The following RAB11A variants were observed in gnomAD, a reference collection of about 807,000 sequenced individuals.
RAB11A encodes ras-related protein Rab-11A.
In RAB11A, 9 loss-of-function variants were observed where a neutral mutation model predicts 28.0. That is an observed-to-expected ratio of 0.32 (90% CI 0.19 to 0.56). The LOEUF (loss-of-function observed/expected upper bound fraction) is 0.56. Among genes scored for constraint, RAB11A ranks in the 20% least tolerant of loss-of-function variants. The pLI, the probability that RAB11A is intolerant of heterozygous loss-of-function variation, is 0.91. For missense variants in RAB11A, 108 were observed against 269.6 expected (o/e 0.40, Z 4.20); for synonymous variants, 85 against 88.2 (o/e 0.96, Z 0.20).
At chr15:65,882,379 C>T (rs1412955708) in intron 4 of RAB11A, among the ~76,000 whole-genome samples, 2 of 152,208 alleles carry the variant, frequency 1.3e-5, no homozygotes, top group East Asian at 1.9e-4. Context: ...CTTTATTGCA[C>T]TTGATTCTAC....
In RAB11A at chr15:65,883,421, T is replaced by G. The variant is rs531722044; in HGVS notation, c.511+3670T>G. Among the ~76,000 whole-genome samples the G allele has an allele frequency of 5.3e-5, 8 of 152,216 alleles. No homozygotes were observed. In the East Asian group the frequency reaches 1.5e-3, roughly 29 times the overall value. ...ATGATTAAACTCAAGTTATACACTT[T>G]TGGCAGGAACACCACAGAAGTGTTC... On this transcript the variant is annotated intron_variant, in intron 4 of 4. Transcript: ENST00000261890.
chr15:65,881,678 C>T (rs775298720), intron 4 of RAB11A, among the ~76,000 whole-genome samples: 24 of 151,970 alleles, frequency 1.6e-4, no homozygotes, highest in Non-Finnish European at 2.9e-4. Flanking sequence ...ATGAACTAGT[C>T]GGTACTTAAA....
chr15:65,884,246 C>T (rs955133942), intron 4 of RAB11A, among the ~76,000 whole-genome samples: 15 of 151,884 alleles, frequency 9.9e-5, no homozygotes, highest in African/African-American at 3.6e-4. Context: ...AAGGATTTAC[C>T]TTTCAGTCAT....
Position 65,887,780 on chromosome 15 carries a change from T to G in RAB11A, c.591T>G (p.Pro197=), listed in dbSNP as rs200883500. 526 of 1,613,850 alleles carry G rather than the reference T, an allele frequency of 3.3e-4. 1 individual carries two copies. In the Middle Eastern group the frequency reaches 3.8e-3, roughly 12 times the overall value. Residue 197 remains proline (P), a synonymous_variant, in exon 5 of 5, where the codon CCT becomes CCG. Transcript: ENST00000261890. The stretch of plus-strand genomic sequence containing the variant: ...TGTCTCCAAGCAACAATGTGGTTCC[T>G]ATTCATGTTCCACCAACCACTGAAA... ...NDMSPSNNVV[P]IHVPPTTENK... is the part of the protein sequence containing the mutation.
At chr15:65,882,052 A>ATGAG (rs2078226456) in intron 4 of RAB11A, among the ~76,000 whole-genome samples, 1 of 152,142 alleles carries the variant, frequency 6.6e-6, no homozygotes. Flanking sequence ...TCCTGTCTCA[A>ATGAG]AAAGAAAAAA....
intron 1 of RAB11A, among the ~76,000 whole-genome samples, chr15:65,874,243 TG>T (rs1298621549): frequency 2.0e-5 from 3 of 151,864 alleles, no homozygotes; most frequent in Non-Finnish European, 2.9e-5. Flanking sequence ...TTTTTTTTTT[TG>T]AGATGGAGTT....
At position 65,891,063 on chromosome 15, in the gene RAB11A, C is replaced by A. The variant is rs142636094; in HGVS notation, c.*3223C>A. 20 of 152,338 alleles carry A rather than the reference C, an allele frequency of 1.3e-4. No individual in the cohort carries two copies. The highest frequency in any genetic ancestry group is 4.8e-4 in the African/African-American group (20 of 41,572). The allele number at this position is 152,338 out of a possible 1,614,324, so 9.4% of individuals were successfully genotyped here. A position where few individuals can be genotyped will look rare whatever the true frequency, so the allele number is the denominator to read the frequency against. Reference sequence around the variant, plus strand: ...TAGCGGAACAGATAGGGAGCTATGACACTAGCACCAAAGAGAGATTTTTCT... The same window carrying A: ...TAGCGGAACAGATAGGGAGCTATGAAACTAGCACCAAAGAGAGATTTTTCT... On this transcript the variant is annotated 3_prime_UTR_variant, in exon 5 of 5. Coordinates refer to ENST00000261890, the MANE Select transcript of RAB11A (RefSeq NM_004663.5).
chr15:65,869,786 C>A (rs947012847), intron 1 of RAB11A, among the ~76,000 whole-genome samples, 161 bp downstream of exon 1: 1 of 152,180 alleles, frequency 6.6e-6, no homozygotes, highest in Non-Finnish European at 1.5e-5. Context: ...TCTTCTCCCC[C>A]GCTCAGACAG....
chr15:65,878,338 C>T (rs376012910), intron 3 of RAB11A, among the ~76,000 whole-genome samples: 3 of 152,208 alleles, frequency 2.0e-5, no homozygotes, highest in African/African-American at 7.2e-5. Context: ...TCTCTTGCCC[C>T]TGTTCTGGTA....
At chr15:65,876,965 AGTT>A (rs964099132) in intron 1 of RAB11A, among the ~76,000 whole-genome samples, 1 of 152,096 alleles carries the variant, frequency 6.6e-6, no homozygotes, top group Admixed American at 6.6e-5. Flanking sequence ...TTATCTTTGA[AGTT>A]GTTATCTTCT....
At chr15:65,873,320 T>A (rs1350224711) in intron 1 of RAB11A, among the ~76,000 whole-genome samples, 1 of 152,200 alleles carries the variant, frequency 6.6e-6, no homozygotes, top group Non-Finnish European at 1.5e-5. Flanking sequence ...TCTGAAAATA[T>A]CTGGATACAT....
chr15:65,879,009 T>G (rs1410498090), intron 3 of RAB11A, among the ~76,000 whole-genome samples: 33 of 132,892 alleles, frequency 2.5e-4, no homozygotes, highest in Admixed American at 1.7e-3. Flanking sequence ...TTTTTTTTTT[T>G]GGGAGCCAGG....
chr15:65,872,544 C>T (rs1275962987), intron 1 of RAB11A, among the ~76,000 whole-genome samples: 1 of 150,128 alleles, frequency 6.7e-6, no homozygotes. Flanking sequence ...AAGCGATTTT[C>T]CTGCCTCAGT....
At chr15:65,884,868 G>A (rs978755392) in intron 4 of RAB11A, among the ~76,000 whole-genome samples, 1 of 151,500 alleles carries the variant, frequency 6.6e-6, no homozygotes, top group African/African-American at 2.4e-5. Context: ...TGGGGGTGGG[G>A]GGGTATGCTA....
Position 65,869,521 on chromosome 15 carries a change from C to A in RAB11A, c.-65C>A. The A allele has an allele frequency of 1.3e-6, 2 of 1,583,946 alleles. No homozygotes were observed. Among genetic ancestry groups the A allele is most frequent in the Non-Finnish European group, 1.7e-6 (2 of 1,166,374 alleles). On this transcript the variant is annotated 5_prime_UTR_variant, in exon 1 of 5. Transcript: ENST00000261890. ...AAGCTCGGCGCTCGGGTTACCCCTG[C>A]AGCGACGCCCCCTGGTCCCACAGAT...
chr15:65,874,814 A>G, intron 1 of RAB11A, among the ~76,000 whole-genome samples: 1 of 151,994 alleles, frequency 6.6e-6, no homozygotes, highest in East Asian at 2.0e-4. Context: ...GGGAGGCCAA[A>G]GCGAGTGGAT....
intron 1 of RAB11A, among the ~76,000 whole-genome samples, chr15:65,875,684 A>G (rs184091055): frequency 6.6e-6 from 1 of 152,340 alleles, no homozygotes; most frequent in Non-Finnish European, 1.5e-5. Context: ...CCAGAAAGAT[A>G]TGCATTTGAT....
At chr15:65,883,742 C>T (rs114157581) in intron 4 of RAB11A, among the ~76,000 whole-genome samples, 1 of 151,864 alleles carries the variant, frequency 6.6e-6, no homozygotes, top group Non-Finnish European at 1.5e-5. Flanking sequence ...AAGTAGAGAC[C>T]GGTTTTACCA....
chr15:65,871,932 T>G (rs963240166), intron 1 of RAB11A, among the ~76,000 whole-genome samples: 1 of 133,952 alleles, frequency 7.5e-6, no homozygotes, highest in African/African-American at 2.8e-5. Context: ...TTTTTTTTTT[T>G]TTTTTTTTTT....
Sources: allele counts gnomAD v4.1 joint callset (sites outside exome capture counted in the v4.1 genomes callset), GRCh38; gene constraint gnomAD v4.1.1; transcripts MANE v1.5; gene names NCBI Gene and HGNC (gene_info 2026-07-23, HGNC 2026-07-21).